The following TRPM3 variants were observed in gnomAD, a reference collection of about 807,000 sequenced individuals.
TRPM3 encodes long transient receptor potential channel 3.
TRPM3 carries 77 observed loss-of-function variants against 181.2 expected under a neutral mutation model. That is an observed-to-expected ratio of 0.42 (90% confidence interval 0.35 to 0.51). TRPM3 has a LOEUF of 0.51. TRPM3 is among the 20% of genes least tolerant of loss of function. The pLI is 0.01. For synonymous variants in TRPM3, 745 were observed against 796.4 expected, an observed-to-expected ratio of 0.94 and a Z score of 1.09; for missense variants, 1,759 against 2,196.7, an observed-to-expected ratio of 0.80 and a Z score of 3.98.
intron 6 of TRPM3, among the ~76,000 whole-genome samples, chr9:70,820,773 C>A (rs1356654547): frequency 6.6e-6 from 1 of 151,948 alleles, no homozygotes; most frequent in Non-Finnish European, 1.5e-5. Context: ...AATTGTTATC[C>A]CTAGCTTACA....
rs1308224001 is a variant in TRPM3, at chr9:71,389,895, C to T, written c.183+56758G>A. ...AATATGGTATAGTATATACCAAAAG[C>T]TTAAAAATCACCACTAAAAAACTTG... On this transcript the variant is annotated intron_variant, in intron 1 of 24. Coordinates refer to the TRPM3 transcript ENST00000357533. Among the ~76,000 whole-genome samples the T allele has an allele frequency of 2.6e-5, 4 of 152,028 alleles. No individual in the cohort carries two copies. The East Asian group carries it at 7.7e-4, about 29-fold the overall frequency.
intron 6 of TRPM3, among the ~76,000 whole-genome samples, chr9:70,823,997 G>A (rs1260184647): frequency 6.6e-6 from 1 of 152,174 alleles, no homozygotes; most frequent in Non-Finnish European, 1.5e-5. Context: ...GTCAGAGTGT[G>A]GAGAAAAAGG....
chr9:71,306,771 G>A (rs992253626), intron 1 of TRPM3, among the ~76,000 whole-genome samples: 1 of 152,184 alleles, frequency 6.6e-6, no homozygotes, highest in Admixed American at 6.5e-5. Context: ...CTACTCAGGA[G>A]ACTGAGGCAG....
chr9:71,359,929 G>C (rs191760811), intron 1 of TRPM3, among the ~76,000 whole-genome samples: 1 of 152,120 alleles, frequency 6.6e-6, no homozygotes, highest in Non-Finnish European at 1.5e-5. Context: ...AGATGCCTAA[G>C]AACAGAGATT....
intron 9 of TRPM3, among the ~76,000 whole-genome samples, chr9:70,647,957 AT>A (rs1156883541): frequency 6.6e-6 from 1 of 152,250 alleles, no homozygotes; most frequent in Non-Finnish European, 1.5e-5. Context: ...TATAAAAAGA[AT>A]AAAGTATTTA....
chr9:71,405,962 C>T (rs532192522), intron 1 of TRPM3, among the ~76,000 whole-genome samples: 47 of 152,198 alleles, frequency 3.1e-4, no homozygotes, highest in African/African-American at 6.5e-4. Context: ...TTTAATATCG[C>T]GTTATCTTTT....
At chr9:71,210,168 T>C (rs910887451) in intron 1 of TRPM3, among the ~76,000 whole-genome samples, 1 of 152,136 alleles carries the variant, frequency 6.6e-6, no homozygotes, top group African/African-American at 2.4e-5. Flanking sequence ...TAGGTTCTCA[T>C]AGAAGCAGGA....
chr9:70,607,955 G>C (rs1265587207), intron 19 of TRPM3, among the ~76,000 whole-genome samples: 3 of 152,196 alleles, frequency 2.0e-5, no homozygotes, highest in Non-Finnish European at 2.9e-5. Flanking sequence ...GCCTAAAGCT[G>C]CCTCCTTAAG....
intron 1 of TRPM3, among the ~76,000 whole-genome samples, chr9:71,425,047 T>C (rs2093839045): frequency 6.6e-6 from 1 of 152,138 alleles, no homozygotes; most frequent in African/African-American, 2.4e-5. Context: ...AATCACTTTT[T>C]TCCTGAAAGA....
At position 71,112,175 on chromosome 9, in the gene TRPM3, T is replaced by A. The variant is rs2134225933; in HGVS notation, c.177+9003A>T. ...CCCAGCAAGTTTAACAGTACAGTTTTTCTTCTAACAGTATTTTATCTATTT... is the reference window on the plus strand; with the variant it reads ...CCCAGCAAGTTTAACAGTACAGTTTATCTTCTAACAGTATTTTATCTATTT... On this transcript the variant is annotated intron_variant, in intron 1 of 25. Transcript: ENST00000677713. Among the ~76,000 whole-genome samples, 3 of 152,346 alleles carry A rather than the reference T, an allele frequency of 2.0e-5. 1 individual carries two copies. The highest frequency in any genetic ancestry group is 3.4e-3 in the Middle Eastern group (1 of 294).
At chr9:70,919,045 C>T (rs1304049221) in intron 1 of TRPM3, among the ~76,000 whole-genome samples, 2 of 152,138 alleles carry the variant, frequency 1.3e-5, no homozygotes, top group Non-Finnish European at 2.9e-5. Context: ...TTACTCATTA[C>T]ATCCTAATAG....
intron 6 of TRPM3, among the ~76,000 whole-genome samples, chr9:70,815,062 T>C (rs2092568046): frequency 6.6e-6 from 1 of 152,132 alleles, no homozygotes. Flanking sequence ...CTGTAACTAA[T>C]CAATGTTCAC....
At chr9:70,743,295 A>C (rs1359657035) in intron 8 of TRPM3, among the ~76,000 whole-genome samples, 1 of 151,944 alleles carries the variant, frequency 6.6e-6, no homozygotes, top group Non-Finnish European at 1.5e-5. Flanking sequence ...TATAATCTTC[A>C]CCTTTTTGTC....
Position 70,541,725 on chromosome 9 carries a change from T to C in TRPM3, c.3708-4320A>G, listed in dbSNP as rs192104143. 6.9e-3 allele frequency among the ~76,000 whole-genome samples: 1,055 copies of C among 152,224 alleles called. 10 individuals carry two copies. Among genetic ancestry groups the C allele is most frequent in the African/African-American group, 0.024 (989 of 41,572 alleles). On this transcript the variant is annotated intron_variant, in intron 25 of 25. Coordinates refer to ENST00000677713, the MANE Select transcript of TRPM3 (RefSeq NM_001366145.2). Reference sequence around the variant, plus strand: ...GGGGTTTCTCCATGTTGGTCAGGCTTGTCTTGAACTCCCGACCTCAGGTGA... The same window carrying C: ...GGGGTTTCTCCATGTTGGTCAGGCTCGTCTTGAACTCCCGACCTCAGGTGA...
intron 6 of TRPM3, among the ~76,000 whole-genome samples, chr9:70,790,334 G>T (rs570458217): frequency 6.7e-4 from 102 of 152,262 alleles, no homozygotes; most frequent in African/African-American, 2.3e-3. Flanking sequence ...AAGGGGATTT[G>T]CACTTTAAGT....
chr9:71,282,096 AG>A (rs1565417776), intron 1 of TRPM3, among the ~76,000 whole-genome samples: 6 of 112,184 alleles, frequency 5.3e-5, no homozygotes, highest in Non-Finnish European at 1.2e-4. Context: ...AAAGAGAGAA[AG>A]AAAGAAAAGA....
chr9:71,224,460 TACA>T (rs1251083485), intron 1 of TRPM3, among the ~76,000 whole-genome samples: 1 of 152,292 alleles, frequency 6.6e-6, no homozygotes, highest in South Asian at 2.1e-4. Flanking sequence ...CTGCAAAAAC[TACA>T]ACAAGTATCT....
intron 1 of TRPM3, among the ~76,000 whole-genome samples, chr9:71,136,754 C>T (rs2074790763): frequency 6.6e-6 from 1 of 152,104 alleles, no homozygotes; most frequent in Non-Finnish European, 1.5e-5. Context: ...GCACATTTAG[C>T]AAGTTCAGCC....
intron 1 of TRPM3, among the ~76,000 whole-genome samples, chr9:71,177,495 G>A (rs1049281784): frequency 5.9e-5 from 9 of 152,004 alleles, no homozygotes; most frequent in African/African-American, 1.4e-4. Flanking sequence ...TACAATGTTT[G>A]CACAATGACA....
Sources: gnomAD v4.1 joint callset for allele counts (sites outside exome capture counted in the v4.1 genomes callset) on GRCh38, gnomAD v4.1.1 for gene constraint, MANE v1.5 for transcripts, NCBI Gene and HGNC (gene_info 2026-07-23, HGNC 2026-07-21) for gene names.